The following GRID1 variants were observed in gnomAD, a reference collection of about 807,000 sequenced individuals.
The protein encoded by GRID1 is glutamate ionotropic receptor delta type subunit 1.
A neutral mutation model predicts 98.0 loss-of-function variants in GRID1; 28 were observed. The ratio of observed to expected loss-of-function variants is 0.29; its 90% CI spans 0.21 to 0.39. The LOEUF is 0.39. Among genes scored for constraint, GRID1 ranks in the 10% least tolerant of loss-of-function variants. The pLI, the probability that GRID1 is intolerant of heterozygous loss-of-function variation, is 1.00. For synonymous variants in GRID1, 553 were observed against 538.5 expected, an observed-to-expected ratio of 1.03 and a Z score of -0.37; for missense variants, 1,111 against 1,340.5, an observed-to-expected ratio of 0.83 and a Z score of 2.67.
chr10:85,884,672 C>T (rs940108090), intron 5 of GRID1, among the ~76,000 whole-genome samples: 1 of 152,170 alleles, frequency 6.6e-6, no homozygotes, highest in Non-Finnish European at 1.5e-5. Context: ...AATCCTATTT[C>T]ATCAGTACTG....
In GRID1 at chr10:85,724,543, G is replaced by C. The variant is rs749158204; in HGVS notation, c.1667C>G (p.Ser556Cys). The stretch of plus-strand genomic sequence containing the variant: ...AGCGAAATCAAATGGAGCAAAGAGG[G>C]AGAAGATGCTGATTTTCTCCTCGGG... ...KKPEEKISIF[S>C]LFAPFDFAVW... is the part of the protein sequence containing the mutation. Residue 556 changes from serine (S) to cysteine (C), a missense_variant, in exon 11 of 16, where the codon TCC becomes TGC. Around this residue, in one of 3 missense-constraint regions of GRID1, gnomAD observed 762 missense variants for 869.1 expected, o/e 0.88. Coordinates refer to ENST00000327946, the MANE Select transcript of GRID1 (RefSeq NM_017551.3). 7.4e-6 allele frequency: 12 copies of C among 1,613,708 alleles called. No homozygotes were observed. The highest frequency in any genetic ancestry group is 1.6e-4 in the Middle Eastern group (1 of 6,084).
rs113440487 is a variant in GRID1 at position 85,720,076 on chromosome 10, T to G, written c.1997+2927A>C. On this transcript the variant is annotated intron_variant, in intron 12 of 15. Transcript: ENST00000327946. ...ATAAATAAATAAACTTAGCAAAAGA[T>G]CAGGATAATAGTAAATGGTTACTTG... 6.6e-3 allele frequency among the ~76,000 whole-genome samples: 1,009 copies of G among 152,244 alleles called. 9 individuals carry two copies. Among genetic ancestry groups the G allele is most frequent in the African/African-American group, 0.022 (897 of 41,542 alleles).
At chr10:85,680,716 G>A (rs528276825) in intron 12 of GRID1, among the ~76,000 whole-genome samples, 3 of 152,170 alleles carry the variant, frequency 2.0e-5, no homozygotes, top group South Asian at 4.2e-4. Context: ...GCAAAGATAC[G>A]GAACCAATCT....
intron 8 of GRID1, among the ~76,000 whole-genome samples, chr10:85,791,595 C>T (rs75189709): frequency 0.033 from 5,018 of 152,062 alleles, 124 homozygotes; most frequent in Non-Finnish European, 0.047. Flanking sequence ...TATATATGAA[C>T]AGAATGTCCC....
chr10:85,826,508 G>A (rs58474937), intron 8 of GRID1, among the ~76,000 whole-genome samples: 2,451 of 151,736 alleles, frequency 0.016, 64 homozygotes, highest in African/African-American at 0.055. Context: ...ACCCTCCCCC[G>A]TCCCCCACCC....
At chr10:86,161,139 C>T (rs531924041) in intron 3 of GRID1, among the ~76,000 whole-genome samples, 2 of 152,338 alleles carry the variant, frequency 1.3e-5, no homozygotes, top group East Asian at 3.9e-4. Flanking sequence ...TTCCCACACC[C>T]TGGCCGTCCA....
chr10:85,943,485 T>G (rs1340642518), intron 4 of GRID1, among the ~76,000 whole-genome samples: 2 of 151,988 alleles, frequency 1.3e-5, no homozygotes, highest in African/African-American at 4.8e-5. Context: ...TAGTGAAAAA[T>G]ACCATAAAGC....
At chr10:85,603,151 T>C (rs1463933618) in intron 15 of GRID1, among the ~76,000 whole-genome samples, 1 of 152,210 alleles carries the variant, frequency 6.6e-6, no homozygotes, top group Non-Finnish European at 1.5e-5. Flanking sequence ...ATCCCCACCT[T>C]GCACAAAAGG....
At chr10:85,728,086 A>G in intron 9 of GRID1, 34 bp from the exon 10 acceptor site, 1 of 1,372,838 alleles carries the variant, frequency 7.3e-7, no homozygotes, top group Non-Finnish European at 1.0e-6. Flanking sequence ...CTCCAATTAA[A>G]TAACAGGTTC....
chr10:85,674,475 C>T (rs1454117194), intron 12 of GRID1, among the ~76,000 whole-genome samples: 1 of 152,124 alleles, frequency 6.6e-6, no homozygotes, highest in Non-Finnish European at 1.5e-5. Context: ...TATATTATAT[C>T]TTTTGTGACA....
chr10:85,669,069 C>T (rs1046672610), intron 12 of GRID1, among the ~76,000 whole-genome samples: 1 of 152,204 alleles, frequency 6.6e-6, no homozygotes, highest in Non-Finnish European at 1.5e-5. Context: ...GACACATGGG[C>T]TAATCACAGG....
intron 6 of GRID1, among the ~76,000 whole-genome samples, chr10:85,864,371 C>A (rs1197712795): frequency 1.3e-5 from 2 of 152,246 alleles, no homozygotes; most frequent in East Asian, 3.9e-4. Context: ...ACTGCTGAAT[C>A]TGAGGCGACG....
chr10:86,172,299 C>T (rs544352627), intron 3 of GRID1, among the ~76,000 whole-genome samples: 1 of 152,140 alleles, frequency 6.6e-6, no homozygotes, highest in African/African-American at 2.4e-5. Context: ...ATAATGTTTT[C>T]AAGGTTCATC....
chr10:85,643,283 C>T (rs1843146095), intron 13 of GRID1, among the ~76,000 whole-genome samples: 1 of 152,032 alleles, frequency 6.6e-6, no homozygotes, highest in Non-Finnish European at 1.5e-5. Context: ...TGCCAGGCTG[C>T]CTACACTGCA....
At chr10:85,673,319 A>G (rs1281488405) in intron 12 of GRID1, among the ~76,000 whole-genome samples, 3 of 152,254 alleles carry the variant, frequency 2.0e-5, no homozygotes, top group African/African-American at 7.2e-5. Flanking sequence ...CAAAAGGTTT[A>G]GAATATTCCA....
chr10:85,923,726 C>A lies in GRID1; in HGVS notation c.727-7487G>T, dbSNP rs114317913. Among the ~76,000 whole-genome samples the A allele has an allele frequency of 4.1e-3, 629 of 152,210 alleles. 5 individuals are homozygous for A. The highest frequency in any genetic ancestry group is 0.015 in the African/African-American group (610 of 41,532). ...AATGCAAAACCCATATGGTTTCTAC[C>A]GTGTTCCACTGACTTGGGCACCAAG... On this transcript the variant is annotated intron_variant, in intron 4 of 15. Coordinates refer to ENST00000327946, the MANE Select transcript of GRID1 (RefSeq NM_017551.3).
chr10:85,715,978 C>G (rs1590202105), intron 12 of GRID1, among the ~76,000 whole-genome samples: 1 of 151,688 alleles, frequency 6.6e-6, no homozygotes, highest in African/African-American at 2.4e-5. Flanking sequence ...ATGATCTCGG[C>G]TCACTGCAAC....
At chr10:85,879,791 T>G (rs1416606099) in intron 5 of GRID1, among the ~76,000 whole-genome samples, 1 of 151,728 alleles carries the variant, frequency 6.6e-6, no homozygotes, top group Non-Finnish European at 1.5e-5. Flanking sequence ...CTGAAGGAAA[T>G]AGAGACACAA....
At chr10:86,042,462 C>T (rs927400855) in intron 4 of GRID1, among the ~76,000 whole-genome samples, 2 of 152,156 alleles carry the variant, frequency 1.3e-5, no homozygotes, top group Admixed American at 6.5e-5. Context: ...TAAAGCCCTA[C>T]CTGAGCAGAG....
Sources: allele counts gnomAD v4.1 joint callset (sites outside exome capture counted in the v4.1 genomes callset), GRCh38; gene constraint gnomAD v4.1.1; regional missense constraint gnomAD v4.1.1; transcripts MANE v1.5; gene names NCBI Gene and HGNC (gene_info 2026-07-23, HGNC 2026-07-21).